Variants in SORBS2 observed in about 807,000 individuals in gnomAD.
SORBS2 encodes sorbin and SH3 domain containing 2, also known as sorbin and SH3 domain-containing protein 2.
In SORBS2, 46 loss-of-function variants were observed where a neutral mutation model predicts 97.7. The ratio of observed to expected loss-of-function variants is 0.47; its 90% confidence interval spans 0.37 to 0.60. The LOEUF (loss-of-function observed/expected upper bound fraction) is 0.60, where lower values mean the gene tolerates loss of function less well. Among genes scored for constraint, SORBS2 ranks in the 20% least tolerant of loss-of-function variants. SORBS2 has a pLI of 0.00. For missense variants in SORBS2, 1,316 were observed against 1,282.3 expected (o/e 1.03, Z -0.40); for synonymous variants, 476 against 473.4 (o/e 1.01, Z -0.07).
rs1279066590 is a variant in SORBS2, at chr4:185,684,764, T to C, written c.-197-5942A>G. Reference sequence around the variant, plus strand: ...TTAGTGATATTATACCTGCAGCCAATAGGTTTGGAGAACTTTGCACTCTCT... The same window carrying C: ...TTAGTGATATTATACCTGCAGCCAACAGGTTTGGAGAACTTTGCACTCTCT... On this transcript the variant is annotated intron_variant, in intron 2 of 20. Coordinates refer to the SORBS2 transcript ENST00000284776. The surrounding 1 kb of genome is among the most constrained non-coding windows in gnomAD (Gnocchi z 4.2). 1.3e-6 allele frequency: 2 copies of C among 1,550,878 alleles called. No homozygotes were observed. The highest frequency in any genetic ancestry group is 8.7e-7 in the Non-Finnish European group (1 of 1,146,200).
chr4:185,683,155 T>C (rs1346161400), intron 2 of SORBS2, among the ~76,000 whole-genome samples: 5 of 152,186 alleles, frequency 3.3e-5, no homozygotes, highest in South Asian at 2.1e-4. Flanking sequence ...TGCCTAGTGA[T>C]AGAAAACTTA....
chr4:185,932,006 A>G (rs9760087), intron 1 of SORBS2, among the ~76,000 whole-genome samples: 1 of 148,210 alleles, frequency 6.7e-6, no homozygotes, highest in African/African-American at 2.5e-5. Flanking sequence ...CTCTCTCTAT[A>G]TATATATATA....
At chr4:185,880,828 C>T (rs909749102) in intron 1 of SORBS2, among the ~76,000 whole-genome samples, 7 of 152,112 alleles carry the variant, frequency 4.6e-5, no homozygotes, top group South Asian at 2.1e-4. Flanking sequence ...CTGACAGGTT[C>T]GGAGTGATTT....
chr4:185,851,309 T>A (rs2099217766), intron 1 of SORBS2, among the ~76,000 whole-genome samples: 1 of 152,090 alleles, frequency 6.6e-6, no homozygotes, highest in African/African-American at 2.4e-5. Flanking sequence ...AAGACCATGA[T>A]TTGGTGTTTA....
intron 1 of SORBS2, among the ~76,000 whole-genome samples, chr4:185,800,822 C>T (rs746944013): frequency 5.9e-5 from 9 of 152,196 alleles, no homozygotes; most frequent in Admixed American, 3.9e-4. Flanking sequence ...AGGTGAACCA[C>T]GGGCTGCTTT....
intron 2 of SORBS2, among the ~76,000 whole-genome samples, chr4:185,715,724 T>C (rs2098459874): frequency 6.6e-6 from 1 of 152,212 alleles, no homozygotes; most frequent in Admixed American, 6.5e-5. Flanking sequence ...CTAAATCCTT[T>C]AGAAATATGC....
chr4:185,892,192 C>T (rs2099242871), intron 1 of SORBS2, among the ~76,000 whole-genome samples: 2 of 152,118 alleles, frequency 1.3e-5, no homozygotes, highest in African/African-American at 4.8e-5. Flanking sequence ...AAAGTAAACT[C>T]AAGAATTTCA....
rs755188926 is a variant in SORBS2 at position 185,620,167 on chromosome 4, G to T, written c.2216-16C>A. 6.6e-7 allele frequency: 1 copy of T among 1,524,432 alleles called. No homozygotes were observed. Among genetic ancestry groups the T allele is most frequent in the South Asian group, 1.1e-5 (1 of 89,358 alleles). 94.4% of individuals were successfully genotyped at this position (1,524,432 alleles called of 1,614,324 possible). On this transcript the variant is annotated splice_polypyrimidine_tract_variant and intron_variant, in intron 7 of 14. Transcript: ENST00000418609. ...GACTCACGGTCTATTGGAAAGAACA[G>T]GGCCAGTCATGGTGAGTATCCACTT...
At chr4:185,633,882 T>C (rs576366865) in intron 4 of SORBS2, among the ~76,000 whole-genome samples, 1 of 152,084 alleles carries the variant, frequency 6.6e-6, no homozygotes, top group Non-Finnish European at 1.5e-5. Flanking sequence ...AAAAACACCC[T>C]AGAAATATCT....
At chr4:185,779,803 T>C (rs2099018431) in intron 1 of SORBS2, among the ~76,000 whole-genome samples, 2 of 152,210 alleles carry the variant, frequency 1.3e-5, no homozygotes, top group African/African-American at 2.4e-5. Context: ...TGTCATTCTC[T>C]TAGTCAAATA....
chr4:185,819,488 C>G (rs531246415), intron 1 of SORBS2, among the ~76,000 whole-genome samples: 9 of 152,334 alleles, frequency 5.9e-5, no homozygotes, highest in African/African-American at 2.2e-4. Context: ...GTCTCAAAAA[C>G]GTGGTCTTTT....
chr4:185,652,761 C>A, intron 1 of SORBS2, 33 bp from the exon 10 acceptor site: 1 of 1,538,666 alleles, frequency 6.5e-7, no homozygotes, highest in South Asian at 1.1e-5. Context: ...TGGTTACAAA[C>A]TGGCTTCCAA....
intron 4 of SORBS2, among the ~76,000 whole-genome samples, chr4:185,672,528 T>C (rs960101323): frequency 1.4e-4 from 22 of 152,250 alleles, no homozygotes; most frequent in Admixed American, 1.2e-3. Flanking sequence ...GCCATAAGGA[T>C]AACATGCCTC....
At chr4:185,714,175 C>G (rs910987255) in intron 2 of SORBS2, among the ~76,000 whole-genome samples, 40 of 152,170 alleles carry the variant, frequency 2.6e-4, no homozygotes, top group African/African-American at 9.7e-4. Context: ...ATTGCTTTAT[C>G]AAAATAATAC....
intron 2 of SORBS2, among the ~76,000 whole-genome samples, chr4:185,680,607 C>A (rs1043781000): frequency 6.6e-6 from 1 of 152,096 alleles, no homozygotes; most frequent in Non-Finnish European, 1.5e-5. Context: ...TGATTATATT[C>A]TGATTTTTTT....
chr4:185,704,738 A>C (rs992985721), intron 2 of SORBS2, among the ~76,000 whole-genome samples: 7 of 152,214 alleles, frequency 4.6e-5, no homozygotes, highest in African/African-American at 1.7e-4. Context: ...GACAAGAAAC[A>C]TTCAGCTCTG....
In SORBS2 at chr4:185,623,761, C is replaced by T. The variant is rs746991743; in HGVS notation, c.1368G>A (p.Glu456=). 6.2e-7 allele frequency: 1 copy of T among 1,613,724 alleles called. No homozygotes were observed. The highest frequency in any genetic ancestry group is 1.1e-5 in the South Asian group (1 of 91,040). The change falls in exon 7 of 15, where the codon GAG becomes GAA. Residue 456 remains glutamate, a synonymous_variant. Coordinates refer to ENST00000418609, the Ensembl canonical transcript of SORBS2. This position sits in a 1 kb window ranked among gnomAD's most constrained non-coding sequence, Gnocchi z 6.4. ...TTTGATTTTCTTCCTCCAGCAAATACTCAATGGAAAACCGCCTCTTGGGAC... is the reference window on the plus strand; with the variant it reads ...TTTGATTTTCTTCCTCCAGCAAATATTCAATGGAAAACCGCCTCTTGGGAC...
intron 1 of SORBS2, among the ~76,000 whole-genome samples, chr4:185,781,086 C>T (rs13101514): frequency 0.51 from 76,953 of 151,780 alleles, 21,334 homozygotes; most frequent in Non-Finnish European, 0.64. Context: ...TACAGACATG[C>T]GCCACCACAC....
At chr4:185,630,732 T>C (rs1253433189) in intron 4 of SORBS2, 134 bp from the exon 17 acceptor site, 2 of 615,126 alleles carry the variant, frequency 3.3e-6, no homozygotes, top group Non-Finnish European at 5.8e-6. Flanking sequence ...ATTATGACTA[T>C]AAAAATGTCT....
Sources: allele counts gnomAD v4.1 joint callset (sites outside exome capture counted in the v4.1 genomes callset), GRCh38; gene constraint gnomAD v4.1.1; non-coding constraint Gnocchi (gnomAD v3.1); transcripts MANE v1.5; gene names NCBI Gene and HGNC (gene_info 2026-07-23, HGNC 2026-07-21).